Variants in NIBAN1 observed in about 807,000 individuals in gnomAD.
NIBAN1 encodes niban apoptosis regulator 1.
NIBAN1 carries 81 observed loss-of-function variants against 75.1 expected under a neutral mutation model. The ratio of observed to expected loss-of-function variants is 1.08; its 90% CI spans 0.90 to 1.30. The LOEUF is 1.30. Ranked by LOEUF, NIBAN1 falls within the 50% of genes most tolerant of loss-of-function variation. The pLI, the probability that NIBAN1 is intolerant of heterozygous loss-of-function variation, is 0.00. For missense variants in NIBAN1, 1,133 were observed against 1,128.1 expected (o/e 1.00, Z -0.06); for synonymous variants, 436 against 424.8 (o/e 1.03, Z -0.32).
At chr1:184,838,157 T>C (rs1211118279) in intron 5 of NIBAN1, among the ~76,000 whole-genome samples, 6 of 152,204 alleles carry the variant, frequency 3.9e-5, no homozygotes, top group Non-Finnish European at 2.9e-5. Context: ...CATATAAAAC[T>C]CTTGCCAATA....
At chr1:184,951,181 T>C (rs1444640654) in intron 1 of NIBAN1, among the ~76,000 whole-genome samples, 1 of 152,170 alleles carries the variant, frequency 6.6e-6, no homozygotes, top group African/African-American at 2.4e-5. Flanking sequence ...TTTGCCACAG[T>C]CTCCCTGGGC....
chr1:184,950,652 C>G (rs1461183159), intron 1 of NIBAN1, among the ~76,000 whole-genome samples: 1 of 152,218 alleles, frequency 6.6e-6, no homozygotes, highest in Non-Finnish European at 1.5e-5. Context: ...AAAAACTTCA[C>G]TTGCTCAGTA....
chr1:184,837,825 T>C lies in NIBAN1; in HGVS notation c.602-5863A>G, dbSNP rs549846384. Among the ~76,000 whole-genome samples, 5 of 152,358 alleles carry C rather than the reference T, an allele frequency of 3.3e-5. No individual in the cohort carries two copies. In the East Asian group the frequency reaches 7.7e-4, roughly 23 times the overall value. On this transcript the variant is annotated intron_variant, in intron 5 of 13. Coordinates refer to ENST00000367511, the MANE Select transcript of NIBAN1 (RefSeq NM_052966.4). ...TAGACAAGTTTACTCTTCTTCCATA[T>C]GGTAACCCGAGAAAAAAACAGTAAT...
intron 1 of NIBAN1, among the ~76,000 whole-genome samples, chr1:184,945,131 C>T (rs1263989719): frequency 1.3e-5 from 2 of 152,212 alleles, no homozygotes; most frequent in East Asian, 1.9e-4. Context: ...ACTTCTACTG[C>T]GTTTGATTGG....
In NIBAN1 at chr1:184,823,726, A is replaced by T; in HGVS notation, c.734T>A (p.Val245Glu). The T allele has an allele frequency of 6.2e-7, 1 of 1,614,096 alleles. No homozygotes were observed. The highest frequency in any genetic ancestry group is 1.1e-5 in the South Asian group (1 of 91,076). ...AAGAGTGGGCAGGAGCTCCTCCATC[A>T]CCAGGTTACTCAGGATCTGCGCAGC... is the stretch of plus-strand genomic sequence containing the variant. ...GDEIQILSNL[V>E]MEELLPTLQT... Residue 245 changes from valine (V) to glutamate (E), a missense_variant, in exon 7 of 14, where the codon GTG becomes GAG. Physicochemically the swap from Val to Glu is moderately radical, Grantham distance 121 (BLOSUM62 -2). Transcript: ENST00000367511.
chr1:184,971,836 T>C (rs756415480), intron 1 of NIBAN1, among the ~76,000 whole-genome samples: 1 of 152,238 alleles, frequency 6.6e-6, no homozygotes, highest in Non-Finnish European at 1.5e-5. Flanking sequence ...ATTTATTCTG[T>C]TGTAAGAAAC....
At chr1:184,948,563 T>C (rs1449474315) in intron 1 of NIBAN1, among the ~76,000 whole-genome samples, 2 of 152,214 alleles carry the variant, frequency 1.3e-5, no homozygotes, top group African/African-American at 4.8e-5. Flanking sequence ...TAAATATTTA[T>C]GCATTAGGAT....
Position 184,899,232 on chromosome 1 carries a change from G to A in NIBAN1, c.133C>T (p.Arg45Cys), listed in dbSNP as rs762050698. The change falls in exon 2 of 14, where the codon CGC becomes TGC. Residue 45 changes from arginine to cysteine, a missense_variant. Transcript: ENST00000367511. ...TCTCTTTGCTGTTCTACTTCAGTGC[G>A]CACGTGATTGCAGAAAGCCACAGAG... ...QYSVAFCNHV[R>C]TEVEQQRDLT... is the part of the protein sequence containing the mutation. 23 of 1,613,884 alleles carry A rather than the reference G, an allele frequency of 1.4e-5. No homozygotes were observed. Among genetic ancestry groups the A allele is most frequent in the South Asian group, 1.1e-4 (10 of 91,084 alleles).
At chr1:184,829,746 G>A (rs1260527575) in intron 6 of NIBAN1, among the ~76,000 whole-genome samples, 2 of 152,112 alleles carry the variant, frequency 1.3e-5, no homozygotes, top group Admixed American at 6.6e-5. Context: ...GATTACAAGC[G>A]TGAGCCACTG....
intron 4 of NIBAN1, among the ~76,000 whole-genome samples, chr1:184,886,685 G>A (rs914357139): frequency 1.3e-5 from 2 of 152,132 alleles, no homozygotes; most frequent in East Asian, 3.9e-4. Flanking sequence ...AGAAGAAAAT[G>A]TTAGTTCTGT....
At chr1:184,906,383 C>T (rs980093147) in intron 1 of NIBAN1, among the ~76,000 whole-genome samples, 1 of 152,146 alleles carries the variant, frequency 6.6e-6, no homozygotes, top group Non-Finnish European at 1.5e-5. Context: ...GTAATCCTAG[C>T]ACTTTGGGAG....
chr1:184,955,340 TC>T, intron 1 of NIBAN1, among the ~76,000 whole-genome samples: 1 of 148,830 alleles, frequency 6.7e-6, no homozygotes, highest in African/African-American at 2.5e-5. Context: ...TCCTTTCCTT[TC>T]CTTTCCTTTC....
At chr1:184,809,635 G>A (rs927049139) in intron 9 of NIBAN1, among the ~76,000 whole-genome samples, 1 of 146,690 alleles carries the variant, frequency 6.8e-6, no homozygotes, top group East Asian at 2.0e-4. Flanking sequence ...ATATATATGT[G>A]TGTGTGTATA....
chr1:184,833,539 G>A (rs1655053400), intron 5 of NIBAN1, among the ~76,000 whole-genome samples: 1 of 151,688 alleles, frequency 6.6e-6, no homozygotes, highest in Non-Finnish European at 1.5e-5. Flanking sequence ...GAGACCACAT[G>A]TCTACAAAAA....
intron 1 of NIBAN1, among the ~76,000 whole-genome samples, chr1:184,964,818 CTAATA>C (rs888431675): frequency 2.0e-5 from 3 of 152,184 alleles, no homozygotes; most frequent in African/African-American, 7.2e-5. Context: ...TTTGAAGTAC[CTAATA>C]TATGTTGCCT....
chr1:184,915,520 G>A (rs558475823), intron 1 of NIBAN1, among the ~76,000 whole-genome samples: 1 of 152,302 alleles, frequency 6.6e-6, no homozygotes, highest in Admixed American at 6.5e-5. Flanking sequence ...GGGGGAGATT[G>A]TATTCCAGAA....
chr1:184,833,196 G>A (rs1053991420), intron 5 of NIBAN1, among the ~76,000 whole-genome samples: 1 of 150,994 alleles, frequency 6.6e-6, no homozygotes, highest in Non-Finnish European at 1.5e-5. Flanking sequence ...TTGATATGGG[G>A]AACTAAGCAG....
intron 1 of NIBAN1, among the ~76,000 whole-genome samples, chr1:184,926,969 T>C (rs1571579983): frequency 6.6e-6 from 1 of 152,180 alleles, no homozygotes; most frequent in African/African-American, 2.4e-5. Flanking sequence ...AGTATGTCGA[T>C]TACATTTTTC....
intron 5 of NIBAN1, among the ~76,000 whole-genome samples, chr1:184,860,213 T>C (rs997467083): frequency 6.0e-5 from 9 of 150,942 alleles, no homozygotes; most frequent in African/African-American, 2.2e-4. Context: ...AATGGGCATT[T>C]TAGGGTATGC....
Sources: allele counts gnomAD v4.1 joint callset (sites outside exome capture counted in the v4.1 genomes callset), GRCh38; gene constraint gnomAD v4.1.1; transcripts MANE v1.5; gene names NCBI Gene and HGNC (gene_info 2026-07-23, HGNC 2026-07-21).